Variants in MAGI1 observed in about 807,000 individuals in gnomAD.
MAGI1 encodes membrane-associated guanylate kinase, WW and PDZ domain-containing protein 1.
A neutral mutation model predicts 139.9 loss-of-function variants in MAGI1; 58 were observed. The observed-to-expected ratio is 0.41, with a 90% CI of 0.34 to 0.52. The LOEUF is 0.52. MAGI1 is among the 20% of genes least tolerant of loss of function. The pLI, the probability that MAGI1 is intolerant of heterozygous loss-of-function variation, is 0.12. For missense variants in MAGI1, 1,874 were observed against 1,901.6 expected (o/e 0.99, Z 0.27); for synonymous variants, 812 against 737.9 (o/e 1.10, Z -1.63).
At chr3:65,748,384 T>C (rs2035871401) in intron 1 of MAGI1, among the ~76,000 whole-genome samples, 1 of 152,176 alleles carries the variant, frequency 6.6e-6, no homozygotes, top group South Asian at 2.1e-4. Flanking sequence ...CTTTTGGGGA[T>C]GATTAATGCA....
At chr3:65,995,624 G>A (rs1015656570) in intron 1 of MAGI1, among the ~76,000 whole-genome samples, 1 of 152,078 alleles carries the variant, frequency 6.6e-6, no homozygotes, top group East Asian at 1.9e-4. Context: ...TATTGTCAGG[G>A]AAGGAGAGAA....
At chr3:65,612,694 T>A (rs577484377) in intron 2 of MAGI1, among the ~76,000 whole-genome samples, 1 of 152,134 alleles carries the variant, frequency 6.6e-6, no homozygotes, top group Non-Finnish European at 1.5e-5. Flanking sequence ...CAATCCACTA[T>A]AGAAGCCAGA....
Position 65,477,692 on chromosome 3 carries a change from C to CATTATT in MAGI1, c.757+894_757+899dup, listed in dbSNP as rs145971501. On this transcript the variant is annotated intron_variant, in intron 4 of 22. Coordinates refer to ENST00000402939, the MANE Select transcript of MAGI1 (RefSeq NM_001033057.2). ...CTGCACTAACCCAAGGAACACGCAA[C>CATTATT]ATTATTATTATTATTATTATTTTTT... Among the ~76,000 whole-genome samples, 552 of 138,600 alleles carry CATTATT rather than the reference C, an allele frequency of 4.0e-3. 3 individuals are homozygous for CATTATT. Among genetic ancestry groups the CATTATT allele is most frequent in the South Asian group, 7.1e-3 (30 of 4,224 alleles). The allele number at this position is 138,600 out of a possible 152,430, so 90.9% of individuals were successfully genotyped here.
At chr3:65,629,614 T>A (rs928766723) in intron 1 of MAGI1, among the ~76,000 whole-genome samples, 20 of 151,520 alleles carry the variant, frequency 1.3e-4, no homozygotes, top group African/African-American at 4.6e-4. Flanking sequence ...AAGAATAGGA[T>A]TTTTTAAACA....
intron 13 of MAGI1, among the ~76,000 whole-genome samples, chr3:65,398,774 C>G (rs558815847): frequency 6.6e-6 from 1 of 152,060 alleles, no homozygotes; most frequent in East Asian, 1.9e-4. Context: ...AGAAAAATCC[C>G]TGATGTTATG....
At chr3:65,794,013 G>T (rs761762423) in intron 1 of MAGI1, among the ~76,000 whole-genome samples, 1 of 151,974 alleles carries the variant, frequency 6.6e-6, no homozygotes, top group Admixed American at 6.6e-5. Flanking sequence ...CTTTTTCCTC[G>T]GAGCAAGACA....
At chr3:65,476,415 T>A (rs918565052) in intron 4 of MAGI1, among the ~76,000 whole-genome samples, 5 of 152,172 alleles carry the variant, frequency 3.3e-5, no homozygotes, top group Admixed American at 2.6e-4. Flanking sequence ...ATTTTGGCCA[T>A]GATGATCTGG....
At chr3:66,028,114 G>A (rs2068392162) in intron 1 of MAGI1, among the ~76,000 whole-genome samples, 1 of 152,190 alleles carries the variant, frequency 6.6e-6, no homozygotes, top group Non-Finnish European at 1.5e-5. Context: ...AGACCAGCCT[G>A]AGCAATGTAG....
At chr3:65,835,813 C>G (rs973945563) in intron 1 of MAGI1, among the ~76,000 whole-genome samples, 1 of 152,156 alleles carries the variant, frequency 6.6e-6, no homozygotes, top group Non-Finnish European at 1.5e-5. Flanking sequence ...ACCCTCTGCA[C>G]CATATATAGA....
intron 1 of MAGI1, among the ~76,000 whole-genome samples, chr3:65,686,157 A>G (rs1215020263): frequency 6.6e-6 from 1 of 152,126 alleles, no homozygotes; most frequent in Non-Finnish European, 1.5e-5. Flanking sequence ...AATTTGCTTC[A>G]ACAAACTAGA....
In MAGI1 at chr3:65,470,423, A is replaced by G. The variant is rs760212640; in HGVS notation, c.819T>C (p.Ser273=). ...CCGTGATGGGAGCAGCGATGATGCT[A>G]CTATTCACAGGTGGTAATGCTGTTT... The part of the protein sequence containing the change: ...LQETALPPVN[S]SIIAAPITDP... Residue 273 remains serine, a synonymous_variant, in exon 5 of 23, where the codon AGT becomes AGC. Transcript: ENST00000402939. The G allele has an allele frequency of 3.7e-6, 6 of 1,613,770 alleles. No homozygotes were observed. The South Asian group carries it at 5.5e-5, about 15-fold the overall frequency.
intron 1 of MAGI1, among the ~76,000 whole-genome samples, chr3:65,918,661 G>T (rs577342291): frequency 1.1e-4 from 17 of 152,108 alleles, no homozygotes; most frequent in African/African-American, 3.6e-4. Flanking sequence ...TTACAGGTGT[G>T]AGCCACCGCG....
At chr3:65,426,246 AG>A (rs1947035452) in intron 12 of MAGI1, among the ~76,000 whole-genome samples, 1 of 152,228 alleles carries the variant, frequency 6.6e-6, no homozygotes, top group Non-Finnish European at 1.5e-5. Context: ...AGCCTGACTC[AG>A]GAAACTGTCT....
chr3:65,510,011 C>G (rs1160052974), intron 2 of MAGI1, among the ~76,000 whole-genome samples: 8 of 152,134 alleles, frequency 5.3e-5, no homozygotes, highest in East Asian at 1.9e-4. Flanking sequence ...CCCCCGAGCA[C>G]CCTAACTGGG....
At chr3:65,863,487 G>C (rs1010059334) in intron 1 of MAGI1, among the ~76,000 whole-genome samples, 20 of 152,202 alleles carry the variant, frequency 1.3e-4, no homozygotes, top group African/African-American at 4.1e-4. Flanking sequence ...TCATTAAGTA[G>C]TATGCCCAGA....
intron 6 of MAGI1, chr3:65,453,037 G>T (rs1186633892): frequency 3.9e-6 from 2 of 517,494 alleles, no homozygotes; most frequent in East Asian, 6.1e-5. Flanking sequence ...TTCTAATGGA[G>T]ATATTAGTAA....
chr3:65,798,795 TAAGTTTTA>T (rs1410853259), intron 1 of MAGI1, among the ~76,000 whole-genome samples: 1 of 152,200 alleles, frequency 6.6e-6, no homozygotes. Context: ...AAACAATTCA[TAAGTTTTA>T]AATCATGCAC....
intron 1 of MAGI1, among the ~76,000 whole-genome samples, chr3:66,010,773 T>C (rs1332345505): frequency 2.0e-5 from 3 of 152,206 alleles, no homozygotes; most frequent in African/African-American, 7.2e-5. Context: ...TATTTCCAAA[T>C]TTTCTGCACA....
intron 7 of MAGI1, among the ~76,000 whole-genome samples, chr3:65,444,890 T>C (rs1393566629): frequency 6.6e-6 from 1 of 152,222 alleles, no homozygotes; most frequent in East Asian, 1.9e-4. Flanking sequence ...TCCAATGTGG[T>C]CATTAACTTA....
Sources: allele counts gnomAD v4.1 joint callset (sites outside exome capture counted in the v4.1 genomes callset), GRCh38; gene constraint gnomAD v4.1.1; transcripts MANE v1.5; gene names NCBI Gene and HGNC (gene_info 2026-07-23, HGNC 2026-07-21).